MSTO1: variants seen among roughly 807,000 people sequenced by gnomAD.
The protein encoded by MSTO1 is protein misato homolog 1.
MSTO1 carries 24 observed loss-of-function variants against 55.7 expected under a neutral mutation model. The ratio of observed to expected loss-of-function variants is 0.43; its 90% CI spans 0.31 to 0.61. The LOEUF is 0.61. Among genes scored for constraint, MSTO1 ranks in the 20% least tolerant of loss-of-function variants. MSTO1 has a pLI of 0.09. For missense variants in MSTO1, 363 were observed against 625.7 expected (o/e 0.58, Z 4.48); for synonymous variants, 162 against 252.8 (o/e 0.64, Z 3.41).
chr1:155,610,164 A>T (rs1027237279), upstream of MSTO1: 20 of 1,158,828 alleles, frequency 1.7e-5, no homozygotes, highest in Middle Eastern at 3.0e-4. Context: ...CGAGAATAAC[A>T]CCCGCCCACG....
chr1:155,612,121 A>T, intron 7 of MSTO1, 21 bp downstream of exon 7: 2 of 1,612,552 alleles, frequency 1.2e-6, no homozygotes, highest in Non-Finnish European at 1.7e-6. Flanking sequence ...GGCAATGTGC[A>T]CTCCAGGGTG....
the MSTO1 span, among the ~76,000 whole-genome samples, chr1:155,580,907 CAAAAAAAA>C: frequency 4.4e-5 from 4 of 91,710 alleles, no homozygotes; most frequent in Non-Finnish European, 4.3e-5. Flanking sequence ...GACTCTGTCT[CAAAAAAAA>C]AAAAAAAAAA....
upstream of MSTO1, among the ~76,000 whole-genome samples, chr1:155,608,737 C>A (rs1022899091): frequency 6.6e-6 from 1 of 151,742 alleles, no homozygotes; most frequent in Non-Finnish European, 1.5e-5. Context: ...CTCCTGACCT[C>A]GTGATCCACC....
the MSTO1 span, among the ~76,000 whole-genome samples, chr1:155,593,504 C>CT: frequency 6.6e-6 from 1 of 152,190 alleles, no homozygotes; most frequent in Non-Finnish European, 1.5e-5. Context: ...CAAAATTACT[C>CT]AACTTCCCTG....
chr1:155,601,438 G>A, the MSTO1 span, among the ~76,000 whole-genome samples: 3 of 152,064 alleles, frequency 2.0e-5, no homozygotes, highest in East Asian at 5.8e-4. Flanking sequence ...TACCTGGCCT[G>A]ATTTATATAT....
At chr1:155,593,238 A>G in the MSTO1 span, among the ~76,000 whole-genome samples, 1 of 152,116 alleles carries the variant, frequency 6.6e-6, no homozygotes, top group African/African-American at 2.4e-5. Flanking sequence ...GATGCTTTAC[A>G]TACTCCTTCA....
At chr1:155,600,462 A>C in the MSTO1 span, among the ~76,000 whole-genome samples, 2 of 152,216 alleles carry the variant, frequency 1.3e-5, no homozygotes. Context: ...ACTTCTTTCT[A>C]TACAGACACA....
the MSTO1 span, among the ~76,000 whole-genome samples, chr1:155,564,925 G>C: frequency 6.6e-6 from 1 of 152,060 alleles, no homozygotes; most frequent in Non-Finnish European, 1.5e-5. Context: ...TTCAAGACCA[G>C]CCTGGCCAAC....
chr1:155,585,486 G>C, the MSTO1 span, among the ~76,000 whole-genome samples: 1 of 145,706 alleles, frequency 6.9e-6, no homozygotes, highest in Non-Finnish European at 1.5e-5. Flanking sequence ...TCGCGCCACT[G>C]CACTCCAGCC....
the MSTO1 span, among the ~76,000 whole-genome samples, chr1:155,577,084 T>TTTG: frequency 4.7e-5 from 7 of 149,978 alleles, no homozygotes; most frequent in Non-Finnish European, 1.0e-4. Context: ...TTTGTCTTTT[T>TTTG]TTTGTTTGTT....
the MSTO1 span, among the ~76,000 whole-genome samples, chr1:155,583,079 G>A: frequency 6.6e-6 from 1 of 151,492 alleles, no homozygotes. Flanking sequence ...CCACGTTGCC[G>A]AGGCTGATCT....
At position 155,610,388 on chromosome 1, in the gene MSTO1, G is replaced by A. The variant is rs761367781; in HGVS notation, c.85-37G>A. On this transcript the variant is annotated intron_variant, in intron 1 of 13. Coordinates refer to ENST00000245564, the MANE Select transcript of MSTO1 (RefSeq NM_018116.4). Reference sequence around the variant, plus strand: ...GCCCTTCGGGATCTACAGTCCCGACGTTCAGCCGGCCTGCCTCGTCCTCTC... The same window carrying A: ...GCCCTTCGGGATCTACAGTCCCGACATTCAGCCGGCCTGCCTCGTCCTCTC... 7 of 817,278 alleles carry A rather than the reference G, an allele frequency of 8.6e-6. No homozygotes were observed. In the Admixed American group the frequency reaches 1.7e-4, roughly 20 times the overall value. 50.6% of individuals were successfully genotyped at this position (817,278 alleles called of 1,614,324 possible). A position where few individuals can be genotyped will look rare whatever the true frequency, so the allele number is the denominator to read the frequency against.
chr1:155,597,578 C>T, the MSTO1 span, among the ~76,000 whole-genome samples: 66 of 150,644 alleles, frequency 4.4e-4, no homozygotes, highest in African/African-American at 1.5e-3. Flanking sequence ...GGTGTGATTT[C>T]GGCTCACTGC....
At chr1:155,607,694 A>C (rs1341513919), upstream of MSTO1, among the ~76,000 whole-genome samples, 1 of 152,226 alleles carries the variant, frequency 6.6e-6, no homozygotes, top group Non-Finnish European at 1.5e-5. Context: ...TTTTCAGCCC[A>C]CATCATACTT....
At chr1:155,577,881 G>A in the MSTO1 span, among the ~76,000 whole-genome samples, 1 of 152,060 alleles carries the variant, frequency 6.6e-6, no homozygotes, top group South Asian at 2.1e-4. Context: ...AACTAGCTGG[G>A]GCTACAAGCA....
intron 1 of MSTO1, 41 bp from the exon 2 acceptor site, chr1:155,610,384 C>G (rs574616334): frequency 1.2e-6 from 1 of 809,540 alleles, no homozygotes; most frequent in East Asian, 2.7e-5. Context: ...TCTACAGTCC[C>G]GACGTTCAGC....
At chr1:155,608,283 C>T (rs1672991638), upstream of MSTO1, among the ~76,000 whole-genome samples, 1 of 152,122 alleles carries the variant, frequency 6.6e-6, no homozygotes, top group South Asian at 2.1e-4. Context: ...CTCACCCTAG[C>T]CTCTGGTTAG....
chr1:155,564,096 G>C, the MSTO1 span, among the ~76,000 whole-genome samples: 11 of 152,198 alleles, frequency 7.2e-5, no homozygotes, highest in Admixed American at 7.2e-4. Flanking sequence ...TTACCTAAAG[G>C]GTAAAGCAGA....
the MSTO1 span, among the ~76,000 whole-genome samples, chr1:155,604,425 G>T: frequency 6.6e-6 from 1 of 152,164 alleles, no homozygotes; most frequent in African/African-American, 2.4e-5. Flanking sequence ...AACAAAAAGA[G>T]AAGTAGAAAC....
Sources: allele counts gnomAD v4.1 joint callset (sites outside exome capture counted in the v4.1 genomes callset), GRCh38; gene constraint gnomAD v4.1.1; transcripts MANE v1.5; gene names NCBI Gene and HGNC (gene_info 2026-07-23, HGNC 2026-07-21).